Variants in DACH2 observed in about 807,000 individuals in gnomAD.
DACH2 encodes dachshund homolog 2.
A neutral mutation model predicts 35.8 loss-of-function variants in DACH2; 17 were observed. The observed-to-expected ratio is 0.48, with a 90% CI of 0.33 to 0.71. The LOEUF (loss-of-function observed/expected upper bound fraction) is 0.71, where lower values mean the gene tolerates loss of function less well. DACH2 is among the 30% of genes least tolerant of loss of function. The probability of loss-of-function intolerance (pLI) is 0.02; values close to 1 mark genes in which losing one functional copy is unlikely to be tolerated. For synonymous variants in DACH2, 195 were observed against 177.3 expected (o/e 1.10, Z -0.79); for missense variants, 469 against 472.7 (o/e 0.99, Z 0.07).
Position 86,714,580 on chromosome X carries a change from C to T in DACH2, c.964C>T (p.Pro322Ser). 4 of 1,206,471 alleles carry T rather than the reference C, an allele frequency of 3.3e-6. No homozygotes were observed. Among genetic ancestry groups the T allele is most frequent in the Non-Finnish European group, 3.4e-6 (3 of 891,872 alleles). The change falls in exon 6 of 12, where the codon CCC becomes TCC. Residue 322 changes from proline (P) to serine (S), a missense_variant. By Grantham distance (74) the Pro-to-Ser change is moderately conservative. This residue lies in a region of DACH2 where 363 missense variants were observed against 334.4 expected (regional missense o/e 1.09). Transcript: ENST00000373125. ...TCTGCCATTTATGATGATGCCTCAT[C>T]CCCTACTTCCAGTCAGCTTACCTCC... Reference protein sequence around the residue: ...LDLPFMMMPHPLLPVSLPPAS... With the variant: ...LDLPFMMMPHSLLPVSLPPAS...
At position 86,644,843 on chromosome X, in the gene DACH2, G is replaced by T. The variant is rs776158771; in HGVS notation, c.641-6193G>T. Reference sequence around the variant, plus strand: ...GACTCCCTATTTCATAAATGGTGCTGGGATAACTGGGCTAGTCATATGGAG... The same window carrying T: ...GACTCCCTATTTCATAAATGGTGCTTGGATAACTGGGCTAGTCATATGGAG... On this transcript the variant is annotated intron_variant, in intron 3 of 11. Coordinates refer to ENST00000373125, the MANE Select transcript of DACH2 (RefSeq NM_053281.3). Among the ~76,000 whole-genome samples the T allele has an allele frequency of 3.6e-4, 40 of 111,230 alleles. No homozygotes were observed. The Middle Eastern group carries it at 0.014, about 38-fold the overall frequency.
At chrX:86,415,277 A>G (rs997296953) in intron 2 of DACH2, among the ~76,000 whole-genome samples, 7 of 111,861 alleles carry the variant, frequency 6.3e-5, no homozygotes, top group African/African-American at 9.7e-5. Context: ...TAATTTCTGT[A>G]GAAATTTTTA....
At chrX:86,644,874 T>A (rs1302026374) in intron 3 of DACH2, among the ~76,000 whole-genome samples, 1 of 111,281 alleles carries the variant, frequency 9.0e-6, no homozygotes, top group Non-Finnish European at 1.9e-5. Flanking sequence ...TGGAGCAGAT[T>A]GAAGCTGGAC....
intron 3 of DACH2, among the ~76,000 whole-genome samples, chrX:86,633,044 C>G (rs2040220548): frequency 9.3e-6 from 1 of 107,679 alleles, no homozygotes; most frequent in South Asian, 3.9e-4. Flanking sequence ...GAAGAGCAAA[C>G]CAAACTCCCA....
intron 3 of DACH2, among the ~76,000 whole-genome samples, chrX:86,538,200 C>G (rs747959320): frequency 1.0e-3 from 113 of 111,436 alleles, no homozygotes; most frequent in African/African-American, 3.4e-3. Flanking sequence ...TCTGAGACCT[C>G]ATCAGAATGT....
chrX:86,720,894 G>A (rs1408873381), intron 6 of DACH2, among the ~76,000 whole-genome samples: 1 of 112,604 alleles, frequency 8.9e-6, no homozygotes, highest in Non-Finnish European at 1.9e-5. Flanking sequence ...GTAGGCAGAG[G>A]TCCCCAAACC....
At chrX:86,671,396 A>G (rs1481857629) in intron 4 of DACH2, among the ~76,000 whole-genome samples, 1 of 112,071 alleles carries the variant, frequency 8.9e-6, no homozygotes, top group Non-Finnish European at 1.9e-5. Flanking sequence ...CCCTGTCTGA[A>G]TCTCATGTTG....
chrX:86,496,026 C>T (rs1301048738), intron 2 of DACH2, among the ~76,000 whole-genome samples: 1 of 111,014 alleles, frequency 9.0e-6, no homozygotes, highest in African/African-American at 3.3e-5. Context: ...TATAAAGGCT[C>T]AGAACAGTGC....
At chrX:86,530,394 A>G (rs1402435375) in intron 3 of DACH2, among the ~76,000 whole-genome samples, 1 of 111,641 alleles carries the variant, frequency 9.0e-6, no homozygotes, top group Admixed American at 9.5e-5. Flanking sequence ...CTGGTAGGAG[A>G]TGATTGGATC....
At chrX:86,166,891 C>G (rs1189227856) in intron 1 of DACH2, among the ~76,000 whole-genome samples, 3 of 111,473 alleles carry the variant, frequency 2.7e-5, no homozygotes, top group Non-Finnish European at 5.7e-5. Context: ...GCTGAACCAG[C>G]CTTGCATCCC....
intron 3 of DACH2, among the ~76,000 whole-genome samples, chrX:86,527,666 G>A (rs1022315995): frequency 1.8e-5 from 2 of 112,001 alleles, no homozygotes; most frequent in Non-Finnish European, 3.8e-5. Context: ...AAGGCTTTAT[G>A]TATACATTTT....
At chrX:86,764,510 T>C (rs181970937) in intron 7 of DACH2, among the ~76,000 whole-genome samples, 6 of 111,964 alleles carry the variant, frequency 5.4e-5, no homozygotes, top group African/African-American at 1.9e-4. Flanking sequence ...TTAGATCACT[T>C]AGGATAATTG....
chrX:86,794,005 A>G (rs1215859639), intron 7 of DACH2, among the ~76,000 whole-genome samples: 1 of 112,203 alleles, frequency 8.9e-6, no homozygotes, highest in African/African-American at 3.2e-5. Context: ...GCTTTGGTAT[A>G]TAAGAAGACC....
intron 3 of DACH2, among the ~76,000 whole-genome samples, chrX:86,588,470 C>T (rs1488215839): frequency 8.9e-6 from 1 of 111,855 alleles, no homozygotes; most frequent in Non-Finnish European, 1.9e-5. Context: ...GCCATTTTAA[C>T]GATATTAATT....
intron 1 of DACH2, among the ~76,000 whole-genome samples, chrX:86,162,153 C>A (rs965852755): frequency 9.1e-6 from 1 of 109,464 alleles, no homozygotes; most frequent in Non-Finnish European, 1.9e-5. Flanking sequence ...CCAAGAATTC[C>A]TTTTTTTTGA....
intron 7 of DACH2, among the ~76,000 whole-genome samples, chrX:86,741,958 C>A (rs2041660679): frequency 9.1e-6 from 1 of 110,189 alleles, no homozygotes; most frequent in Non-Finnish European, 1.9e-5. Context: ...TTTCTATCTA[C>A]TAAAGGTGCC....
At chrX:86,335,879 G>A (rs2035298953) in intron 1 of DACH2, among the ~76,000 whole-genome samples, 1 of 111,693 alleles carries the variant, frequency 9.0e-6, no homozygotes, top group African/African-American at 3.3e-5. Flanking sequence ...GATATTGGCT[G>A]TGGGTTTATC....
intron 1 of DACH2, among the ~76,000 whole-genome samples, chrX:86,365,053 AT>A (rs2035787963): frequency 8.9e-6 from 1 of 111,900 alleles, no homozygotes; most frequent in African/African-American, 3.2e-5. Context: ...AACAGGAAAT[AT>A]TAGGTAGTGA....
intron 4 of DACH2, among the ~76,000 whole-genome samples, chrX:86,677,175 A>C (rs1027198345): frequency 8.9e-6 from 1 of 111,993 alleles, no homozygotes; most frequent in Non-Finnish European, 1.9e-5. Flanking sequence ...ATTTGTGCTT[A>C]ACTTTTGACA....
Sources: gnomAD v4.1 joint callset for allele counts (sites outside exome capture counted in the v4.1 genomes callset) on GRCh38, gnomAD v4.1.1 for gene constraint, gnomAD v4.1.1 regional missense constraint, MANE v1.5 for transcripts, NCBI Gene and HGNC (gene_info 2026-07-23, HGNC 2026-07-21) for gene names.